Variants in MTMR8 observed in about 807,000 individuals in gnomAD.
MTMR8 encodes myotubularin related protein 8.
In MTMR8, 65 loss-of-function variants were observed where a neutral mutation model predicts 39.3. The observed-to-expected ratio is 1.65, with a 90% CI of 1.35 to 2.03. MTMR8 has a LOEUF of 2.03. Among genes scored for constraint, MTMR8 ranks in the 30% most tolerant of loss-of-function variants. The pLI is 0.00. For synonymous variants in MTMR8, 245 were observed against 185.2 expected, an observed-to-expected ratio of 1.32 and a Z score of -2.62; for missense variants, 777 against 538.9, an observed-to-expected ratio of 1.44 and a Z score of -4.37.
chrX:64,380,536 C>G lies in MTMR8; in HGVS notation c.24+14804G>C, dbSNP rs7889346. Among the ~76,000 whole-genome samples the G allele has an allele frequency of 3.9e-3, 439 of 112,504 alleles. 1 individual carries two copies. Among genetic ancestry groups the G allele is most frequent in the African/African-American group, 0.014 (422 of 30,976 alleles). On this transcript the variant is annotated intron_variant, in intron 1 of 13. Coordinates refer to ENST00000374852, the MANE Select transcript of MTMR8 (RefSeq NM_017677.4). ...ACCACTGAATTAATCCAAACTTCAT[C>G]TAAATAAAATTTTTATTTGAGAAAA...
intron 10 of MTMR8, among the ~76,000 whole-genome samples, chrX:64,334,092 A>C (rs1288049345): frequency 9.0e-6 from 1 of 110,888 alleles, no homozygotes. Flanking sequence ...AATTATATGC[A>C]GATAACTCTT....
intron 12 of MTMR8, among the ~76,000 whole-genome samples, chrX:64,318,898 C>T (rs1195683421): frequency 9.1e-6 from 1 of 110,310 alleles, no homozygotes; most frequent in African/African-American, 3.3e-5. Context: ...TCAGGCTGGT[C>T]TCGAACTCCC....
intron 2 of MTMR8, among the ~76,000 whole-genome samples, chrX:64,358,154 C>A (rs1284702387): frequency 9.0e-6 from 1 of 111,723 alleles, no homozygotes; most frequent in Admixed American, 9.5e-5. Context: ...GTTAGAATTA[C>A]AAGAATCCTT....
chrX:64,304,340 G>A (rs1163371060), intron 12 of MTMR8, among the ~76,000 whole-genome samples: 1 of 111,795 alleles, frequency 8.9e-6, no homozygotes, highest in Admixed American at 9.5e-5. Flanking sequence ...GGCAAATCAA[G>A]CTTGCATGTG....
chrX:64,356,701 T>C (rs921172169), intron 2 of MTMR8, among the ~76,000 whole-genome samples: 5 of 111,264 alleles, frequency 4.5e-5, no homozygotes, highest in African/African-American at 1.6e-4. Context: ...TTTTTTTTCT[T>C]ATATCAAATT....
chrX:64,373,963 G>C, intron 1 of MTMR8, among the ~76,000 whole-genome samples: 1 of 112,027 alleles, frequency 8.9e-6, no homozygotes, highest in Non-Finnish European at 1.9e-5. Context: ...ATATCTTGAT[G>C]TTCACTCTAC....
intron 1 of MTMR8, among the ~76,000 whole-genome samples, chrX:64,374,526 G>A (rs1191192274): frequency 9.0e-6 from 1 of 111,725 alleles, no homozygotes; most frequent in Non-Finnish European, 1.9e-5. Context: ...CAGAGTTAGT[G>A]CTCACAAATC....
intron 12 of MTMR8, among the ~76,000 whole-genome samples, chrX:64,271,842 C>A (rs1931768750): frequency 8.9e-6 from 1 of 112,215 alleles, no homozygotes; most frequent in Non-Finnish European, 1.9e-5. Flanking sequence ...GCTCCTGTAC[C>A]TGGCTCAACA....
At chrX:64,274,003 T>C (rs956431012) in intron 12 of MTMR8, among the ~76,000 whole-genome samples, 2 of 111,759 alleles carry the variant, frequency 1.8e-5, no homozygotes, top group Non-Finnish European at 3.8e-5. Flanking sequence ...AGAAATACAG[T>C]AATAGATTAC....
At chrX:64,386,870 C>A (rs12842906) in intron 1 of MTMR8, among the ~76,000 whole-genome samples, 1 of 107,713 alleles carries the variant, frequency 9.3e-6, no homozygotes, top group Non-Finnish European at 1.9e-5. Flanking sequence ...ATAGTGAGAC[C>A]TCATATCTAC....
At chrX:64,364,419 T>C (rs1403987562) in intron 1 of MTMR8, among the ~76,000 whole-genome samples, 1 of 111,978 alleles carries the variant, frequency 8.9e-6, no homozygotes, top group Non-Finnish European at 1.9e-5. Flanking sequence ...TATTTGCTGC[T>C]CTGCAATATT....
At position 64,271,010 on chromosome X, in the gene MTMR8, C is replaced by G. The variant is rs1298207748; in HGVS notation, c.1545G>C (p.Glu515Asp). 1 of 1,207,372 alleles carries G rather than the reference C, an allele frequency of 8.3e-7. No homozygotes were observed. The highest frequency in any genetic ancestry group is 1.1e-6 in the Non-Finnish European group (1 of 893,970). Residue 515 changes from glutamate to aspartate, a missense_variant, in exon 13 of 14, where the codon GAG (glutamate) becomes GAC (aspartate). Transcript: ENST00000374852. ...KGLQPKQSML[E>D]SLLEIKKQRA... ...TCTGTTTCTTAATTTCCAGGAGGCTCTCTAGCATACTCTGCTTGGGCTGCA... is the reference window on the plus strand; with the variant it reads ...TCTGTTTCTTAATTTCCAGGAGGCTGTCTAGCATACTCTGCTTGGGCTGCA...
chrX:64,302,438 C>T (rs1035302469), intron 12 of MTMR8, among the ~76,000 whole-genome samples: 6 of 112,064 alleles, frequency 5.4e-5, no homozygotes, highest in African/African-American at 1.6e-4. Context: ...GGACGGTGCG[C>T]ACACCCACTG....
At chrX:64,319,313 A>G (rs1922562228) in intron 12 of MTMR8, among the ~76,000 whole-genome samples, 1 of 112,718 alleles carries the variant, frequency 8.9e-6, no homozygotes, top group South Asian at 3.6e-4. Context: ...CTACTTTGTC[A>G]GATGAGTAGA....
intron 1 of MTMR8, among the ~76,000 whole-genome samples, chrX:64,390,009 C>A (rs952978496): frequency 8.9e-6 from 1 of 112,008 alleles, no homozygotes; most frequent in Non-Finnish European, 1.9e-5. Flanking sequence ...CTGGAAATCT[C>A]ATTTCCTTCA....
chrX:64,373,719 G>A (rs1044060419), intron 1 of MTMR8, among the ~76,000 whole-genome samples: 1 of 111,103 alleles, frequency 9.0e-6, no homozygotes, highest in Non-Finnish European at 1.9e-5. Flanking sequence ...AAGAGGAAAG[G>A]TAACAAAAAT....
chrX:64,304,887 T>C (rs867475986), intron 12 of MTMR8, among the ~76,000 whole-genome samples: 3 of 78,615 alleles, frequency 3.8e-5, no homozygotes, highest in African/African-American at 1.3e-4. Context: ...TATATATATA[T>C]ATATATATAT....
At chrX:64,343,512 C>T in intron 8 of MTMR8, 99 bp downstream of exon 8, 1 of 517,579 alleles carries the variant, frequency 1.9e-6, no homozygotes, top group Non-Finnish European at 3.1e-6. Context: ...AATCTAGAAA[C>T]TAGATTTCTT....
At chrX:64,383,573 A>G (rs957494755) in intron 1 of MTMR8, among the ~76,000 whole-genome samples, 25 of 110,031 alleles carry the variant, frequency 2.3e-4, no homozygotes, top group African/African-American at 8.0e-4. Context: ...ACTCACAATC[A>G]TGGTGGAAGG....
Sources: gnomAD v4.1 joint callset for allele counts (sites outside exome capture counted in the v4.1 genomes callset) on GRCh38, gnomAD v4.1.1 for gene constraint, MANE v1.5 for transcripts, NCBI Gene and HGNC (gene_info 2026-07-23, HGNC 2026-07-21) for gene names.